CELA3A: variants seen among roughly 807,000 people sequenced by gnomAD.
The protein encoded by CELA3A is chymotrypsin like elastase 3A.
CELA3A carries 35 observed loss-of-function variants against 38.6 expected under a neutral mutation model. That is an observed-to-expected ratio of 0.91 (90% CI 0.69 to 1.20). CELA3A has a LOEUF of 1.20. Ranked by LOEUF, CELA3A falls within the 50% of genes most tolerant of loss-of-function variation. The pLI, the probability that CELA3A is intolerant of heterozygous loss-of-function variation, is 0.00. For synonymous variants in CELA3A, 143 were observed against 136.7 expected, an observed-to-expected ratio of 1.05 and a Z score of -0.32; for missense variants, 343 against 354.2, an observed-to-expected ratio of 0.97 and a Z score of 0.25.
At position 22,003,064 on chromosome 1, in the gene CELA3A, G is replaced by A. The variant is rs762622931; in HGVS notation, c.105G>A (p.Ala35=). Residue 35 remains alanine, a synonymous_variant, in exon 2 of 8, where the codon GCG becomes GCA. Transcript: ENST00000290122. ...GCCGCGTTGTCCATGGTGAGGATGC[G>A]GTCCCCTACAGCTGGCCCTGGCAGG... ...SSSRVVHGED[A]VPYSWPWQVS... The A allele has an allele frequency of 8.9e-6, 14 of 1,575,286 alleles. 1 individual carries two copies. The highest frequency in any genetic ancestry group is 1.1e-5 in the South Asian group (1 of 88,666).
chr1:22,005,698 C>T lies in CELA3A; in HGVS notation c.264C>T (p.Tyr88=), dbSNP rs765532472. Residue 88 remains tyrosine (Y), a synonymous_variant, in exon 4 of 8, where the codon TAC becomes TAT. Coordinates refer to ENST00000290122, the MANE Select transcript of CELA3A (RefSeq NM_005747.5). ...CCTACCAGGTGGTGTTGGGTGAGTACAACCTTGCTGTGAAGGAGGGCCCCG... is the reference window on the plus strand; with the variant it reads ...CCTACCAGGTGGTGTTGGGTGAGTATAACCTTGCTGTGAAGGAGGGCCCCG... ...DLTYQVVLGE[Y]NLAVKEGPEQ... The T allele has an allele frequency of 8.7e-6, 14 of 1,612,398 alleles. No individual in the cohort carries two copies. The highest frequency in any genetic ancestry group is 1.1e-5 in the Non-Finnish European group (13 of 1,179,454).
intron 6 of CELA3A, among the ~76,000 whole-genome samples, chr1:22,009,005 C>T (rs1364191819): frequency 6.6e-6 from 1 of 151,606 alleles, no homozygotes; most frequent in East Asian, 1.9e-4. Flanking sequence ...TTTGGGAGGC[C>T]CCGGCAGGTG....
Position 22,003,080 on chromosome 1 carries a change from C to T in CELA3A, c.121C>T (p.Pro41Ser), listed in dbSNP as rs1299433195. The T allele has an allele frequency of 7.0e-6, 11 of 1,578,236 alleles. No individual in the cohort carries two copies. The highest frequency in any genetic ancestry group is 7.7e-6 in the Non-Finnish European group (9 of 1,167,886). ...HGEDAVPYSW[P>S]WQVSLQYEKS... The stretch of plus-strand genomic sequence containing the variant: ...TGAGGATGCGGTCCCCTACAGCTGG[C>T]CCTGGCAGGTAAGAGCAATAGCAGC... Residue 41 changes from proline to serine, a missense_variant, in exon 2 of 8, where the codon CCC becomes TCC. Pro to Ser is a moderately conservative substitution (Grantham distance 74, BLOSUM62 -1). Coordinates refer to ENST00000290122, the MANE Select transcript of CELA3A (RefSeq NM_005747.5).
chr1:22,005,086 G>T (rs1385144428), intron 2 of CELA3A, among the ~76,000 whole-genome samples: 1 of 148,510 alleles, frequency 6.7e-6, no homozygotes, highest in Non-Finnish European at 1.5e-5. Flanking sequence ...GGGAACAAGA[G>T]CAAAACTCCA....
chr1:22,005,100 CAA>C (rs1337326927), intron 2 of CELA3A, among the ~76,000 whole-genome samples: 4 of 108,496 alleles, frequency 3.7e-5, no homozygotes, highest in Non-Finnish European at 4.1e-5. Context: ...AACTCCATCT[CAA>C]AAAAAAAAAA....
At chr1:22,009,489 T>G (rs1644970523) in intron 6 of CELA3A, among the ~76,000 whole-genome samples, 1 of 151,042 alleles carries the variant, frequency 6.6e-6, no homozygotes, top group Admixed American at 6.6e-5. Flanking sequence ...GAGACGGAGG[T>G]TGCAATGAGC....
chr1:22,006,706 G>T (rs1480500823), intron 4 of CELA3A, among the ~76,000 whole-genome samples, 172 bp from the exon 5 acceptor site: 1 of 115,430 alleles, frequency 8.7e-6, no homozygotes, highest in African/African-American at 2.8e-5. Flanking sequence ...AACAGACCGA[G>T]ACTCTGTCTC....
At position 22,007,515 on chromosome 1, in the gene CELA3A, C is replaced by G; in HGVS notation, c.642C>G (p.Asn214Lys). The change falls in exon 6 of 8, where the codon AAC becomes AAG. Residue 214 changes from asparagine (N) to lysine (K), a missense_variant and splice_region_variant. Asn to Lys is a moderately conservative substitution (Grantham distance 94). Coordinates refer to ENST00000290122, the MANE Select transcript of CELA3A (RefSeq NM_005747.5). ...GAGGGTACATCCGCTCCGGCTGCAACGTGAGTCAGCTCTTACCTGCCCGAG... is the reference window on the plus strand; with the variant it reads ...GAGGGTACATCCGCTCCGGCTGCAAGGTGAGTCAGCTCTTACCTGCCCGAG... The part of the protein sequence containing the change: ...CAGGYIRSGC[N>K]GDSGGPLNCP... 1 of 1,609,020 alleles carries G rather than the reference C, an allele frequency of 6.2e-7. No individual in the cohort carries two copies. The highest frequency in any genetic ancestry group is 8.5e-7 in the Non-Finnish European group (1 of 1,177,682).
At chr1:22,005,868 A>G in intron 4 of CELA3A, 72 bp downstream of exon 4, 1 of 1,602,988 alleles carries the variant, frequency 6.2e-7, no homozygotes, top group South Asian at 1.1e-5. Context: ...GCCAAGTCTG[A>G]GTAGGCTCCA....
chr1:22,008,765 A>G (rs1443231099), intron 6 of CELA3A, among the ~76,000 whole-genome samples: 1 of 151,668 alleles, frequency 6.6e-6, no homozygotes, highest in Non-Finnish European at 1.5e-5. Flanking sequence ...ACTCAGAAAA[A>G]AAAAAAATAC....
Position 22,005,772 on chromosome 1 carries a change from G to A in CELA3A, c.338G>A (p.Trp113Ter). 1 of 1,611,810 alleles carries A rather than the reference G, an allele frequency of 6.2e-7. No homozygotes were observed. The highest frequency in any genetic ancestry group is 8.5e-7 in the Non-Finnish European group (1 of 1,179,506). ...GAGGAGCTGTTTGTGCATCCACTCT[G>A]GAACCGCTCGTGTGTGGCCTGTGGG... The part of the protein sequence containing the change: ...NSEELFVHPL[W>*]NRSCVACGND... The change falls in exon 4 of 8, where the codon TGG (tryptophan) becomes TAG (stop). Residue 113 changes from tryptophan (W) to a stop codon, truncating the protein, a stop_gained. Transcript: ENST00000290122. LOFTEE classifies it high-confidence loss of function.
chr1:22,007,305 C>T (rs1195167903), intron 5 of CELA3A, 68 bp from the exon 6 acceptor site: 1 of 1,539,608 alleles, frequency 6.5e-7, no homozygotes. Context: ...GCCTTGAATG[C>T]CCCCTTCCTC....
rs755074172 is a variant in CELA3A at position 22,009,791 on chromosome 1, C to T, written c.729C>T (p.Gly243=). 1 of 1,612,070 alleles carries T rather than the reference C, an allele frequency of 6.2e-7. No homozygotes were observed. The highest frequency in any genetic ancestry group is 8.5e-7 in the Non-Finnish European group (1 of 1,179,312). The change falls in exon 7 of 8, where the codon GGC becomes GGT. Residue 243 remains glycine (G), a synonymous_variant. Coordinates refer to ENST00000290122, the MANE Select transcript of CELA3A (RefSeq NM_005747.5). The part of the protein sequence containing the change: ...HGVTSFVSAF[G]CNFIWKPTVF... ...TGACCAGCTTTGTTTCTGCCTTTGGCTGCAACTTCATCTGGAAGCCCACGG... is the reference window on the plus strand; with the variant it reads ...TGACCAGCTTTGTTTCTGCCTTTGGTTGCAACTTCATCTGGAAGCCCACGG...
intron 2 of CELA3A, among the ~76,000 whole-genome samples, chr1:22,005,015 C>G (rs1245482991): frequency 6.6e-6 from 1 of 150,506 alleles, no homozygotes; most frequent in Non-Finnish European, 1.5e-5. Context: ...AGGAGAATCG[C>G]TTGAACCCGG....
rs139687408 is a variant in CELA3A, at chr1:22,009,687, CCT to C, written c.643-13_643-12del. 0.015 allele frequency: 22,784 copies of C among 1,528,790 alleles called. 832 individuals carry two copies. Among genetic ancestry groups the C allele is most frequent in the African/African-American group, 0.059 (4,341 of 73,374 alleles). 94.7% of individuals were successfully genotyped at this position (1,528,790 alleles called of 1,614,324 possible). A position where few individuals can be genotyped will look rare whatever the true frequency, so the allele number is the denominator to read the frequency against. Reference sequence around the variant, plus strand: ...CTCAGACATGGCTCAGCCACCCACTCCTCTCTGACGGTTCCAGGGTGACTCTG... The same window carrying C: ...CTCAGACATGGCTCAGCCACCCACTCCTCTGACGGTTCCAGGGTGACTCTG... On this transcript the variant is annotated splice_polypyrimidine_tract_variant and intron_variant, in intron 6 of 7. Transcript: ENST00000290122.
intron 6 of CELA3A, among the ~76,000 whole-genome samples, chr1:22,008,080 G>A (rs1644961868): frequency 6.7e-6 from 1 of 150,210 alleles, no homozygotes; most frequent in African/African-American, 2.5e-5. Context: ...TTTGAGCCTG[G>A]GAGTTCAAGC....
rs755549844 is a variant in CELA3A at position 22,005,710 on chromosome 1, G to T, written c.276G>T (p.Val92=). 1 of 1,612,474 alleles carries T rather than the reference G, an allele frequency of 6.2e-7. No individual in the cohort carries two copies. The highest frequency in any genetic ancestry group is 1.1e-5 in the South Asian group (1 of 91,034). The change falls in exon 4 of 8, where the codon GTG becomes GTT. Residue 92 remains valine (V), a synonymous_variant. Transcript: ENST00000290122. Reference sequence around the variant, plus strand: ...TGTTGGGTGAGTACAACCTTGCTGTGAAGGAGGGCCCCGAGCAGGTGATCC... The same window carrying T: ...TGTTGGGTGAGTACAACCTTGCTGTTAAGGAGGGCCCCGAGCAGGTGATCC... The part of the protein sequence containing the change: ...QVVLGEYNLA[V]KEGPEQVIPI...
Position 22,007,019 on chromosome 1 carries a change from G to A in CELA3A, c.499+5G>A, listed in dbSNP as rs538859754. 5.1e-5 allele frequency: 82 copies of A among 1,611,412 alleles called. No individual in the cohort carries two copies. The highest frequency in any genetic ancestry group is 1.6e-4 in the Middle Eastern group (1 of 6,072). On this transcript the variant is annotated splice_donor_5th_base_variant and intron_variant, in intron 5 of 7. Coordinates refer to ENST00000290122, the MANE Select transcript of CELA3A (RefSeq NM_005747.5). ...CCGGCTGGGGCCGTCTCTATAGTAC[G>A]TGCTGACTTCTCTAGCTGGCCACAG... is the stretch of plus-strand genomic sequence containing the variant.
At position 22,007,001 on chromosome 1, in the gene CELA3A, G is replaced by A. The variant is rs1184236166; in HGVS notation, c.486G>A (p.Trp162Ter). 1 of 1,612,388 alleles carries A rather than the reference G, an allele frequency of 6.2e-7. No individual in the cohort carries two copies. Among genetic ancestry groups the A allele is most frequent in the South Asian group, 1.1e-5 (1 of 91,008 alleles). The change falls in exon 5 of 8, where the codon TGG becomes TGA. Residue 162 changes from tryptophan to a stop codon, truncating the protein, a stop_gained. Transcript: ENST00000290122. LOFTEE classifies it high-confidence loss of function. ...AGACACCCTGCTACATCACCGGCTG[G>A]GGCCGTCTCTATAGTACGTGCTGAC... ...PNKTPCYITG[W>*]GRLYTNGPLP... is the part of the protein sequence containing the mutation.
Sources: gnomAD v4.1 joint callset for allele counts (sites outside exome capture counted in the v4.1 genomes callset) on GRCh38, gnomAD v4.1.1 for gene constraint, MANE v1.5 for transcripts, NCBI Gene and HGNC (gene_info 2026-07-23, HGNC 2026-07-21) for gene names.